Variants in SPAG16 observed in about 807,000 individuals in gnomAD.
SPAG16 encodes sperm-associated antigen 16 protein.
SPAG16 carries 86 observed loss-of-function variants against 80.4 expected under a neutral mutation model. The observed-to-expected ratio is 1.07, with a 90% CI of 0.90 to 1.28. SPAG16 has a LOEUF of 1.28. Among genes scored for constraint, SPAG16 ranks in the 50% most tolerant of loss-of-function variants. The pLI, the probability that SPAG16 is intolerant of heterozygous loss-of-function variation, is 0.00. For missense variants in SPAG16, 870 were observed against 765.3 expected, an observed-to-expected ratio of 1.14 and a Z score of -1.61; for synonymous variants, 294 against 265.9, an observed-to-expected ratio of 1.11 and a Z score of -1.03.
rs547722490 is a variant in SPAG16, at chr2:213,925,610, C to T, written c.1215-4350C>T. 1.5e-3 allele frequency among the ~76,000 whole-genome samples: 232 copies of T among 152,236 alleles called. No homozygotes were observed. The Middle Eastern group carries it at 0.017, about 11-fold the overall frequency. ...CAAGTAATCTGTCTGCCTTGGCCTCCGAAGGTTCTGGAATTACAGACATGG... is the reference window on the plus strand; with the variant it reads ...CAAGTAATCTGTCTGCCTTGGCCTCTGAAGGTTCTGGAATTACAGACATGG... On this transcript the variant is annotated intron_variant, in intron 11 of 15. Transcript: ENST00000331683.
chr2:213,382,227 C>A (rs1022896122), intron 9 of SPAG16, among the ~76,000 whole-genome samples: 1 of 152,092 alleles, frequency 6.6e-6, no homozygotes, highest in Non-Finnish European at 1.5e-5. Context: ...ATAATTCTTC[C>A]TTTTTTAAGA....
chr2:213,991,859 G>GTTAGTTTATTTATTTA (rs1553689431), intron 12 of SPAG16, among the ~76,000 whole-genome samples: 1 of 144,894 alleles, frequency 6.9e-6, no homozygotes, highest in South Asian at 2.3e-4. Context: ...ACAATTGAGA[G>GTTAGTTTATTTATTTA]TTTATTTATT....
chr2:213,802,057 C>T (rs1301947934), intron 10 of SPAG16, among the ~76,000 whole-genome samples: 1 of 152,122 alleles, frequency 6.6e-6, no homozygotes, highest in Non-Finnish European at 1.5e-5. Flanking sequence ...TGAAAAGAAC[C>T]TGAGAAAAGC....
chr2:213,425,764 C>G (rs948937536), intron 9 of SPAG16, among the ~76,000 whole-genome samples: 7 of 151,484 alleles, frequency 4.6e-5, no homozygotes, highest in African/African-American at 1.7e-4. Context: ...TATGAGATTT[C>G]TCAGTATACT....
intron 9 of SPAG16, among the ~76,000 whole-genome samples, chr2:213,405,304 A>T (rs1464229694): frequency 6.6e-6 from 1 of 152,172 alleles, no homozygotes. Flanking sequence ...AATTTAATCC[A>T]TGGAGGAAAA....
At chr2:213,790,540 C>T (rs896094183) in intron 10 of SPAG16, among the ~76,000 whole-genome samples, 5 of 151,440 alleles carry the variant, frequency 3.3e-5, no homozygotes, top group Non-Finnish European at 7.4e-5. Context: ...CTTATATTTT[C>T]ATTAATATAT....
At chr2:213,739,443 C>T (rs1559425761) in intron 10 of SPAG16, among the ~76,000 whole-genome samples, 1 of 152,044 alleles carries the variant, frequency 6.6e-6, no homozygotes, top group Admixed American at 6.6e-5. Flanking sequence ...TAGTTCTTAC[C>T]TTACTTAGAT....
At chr2:213,362,391 T>A (rs1266646101) in intron 7 of SPAG16, among the ~76,000 whole-genome samples, 1 of 152,220 alleles carries the variant, frequency 6.6e-6, no homozygotes, top group Non-Finnish European at 1.5e-5. Flanking sequence ...TAGGTGGAGC[T>A]TAACAACTCA....
At chr2:213,679,515 C>G (rs1331265446) in intron 10 of SPAG16, among the ~76,000 whole-genome samples, 1 of 149,512 alleles carries the variant, frequency 6.7e-6, no homozygotes, top group South Asian at 2.1e-4. Context: ...TTACCAGATG[C>G]CTTGAAACTG....
chr2:213,958,413 G>A (rs1418365594), intron 12 of SPAG16, among the ~76,000 whole-genome samples: 1 of 152,088 alleles, frequency 6.6e-6, no homozygotes, highest in Non-Finnish European at 1.5e-5. Context: ...TGAGGACTTG[G>A]GAGGAGGTAG....
At chr2:213,957,065 G>C (rs762978326) in intron 12 of SPAG16, among the ~76,000 whole-genome samples, 2 of 151,840 alleles carry the variant, frequency 1.3e-5, no homozygotes, top group African/African-American at 2.4e-5. Context: ...CCTGGAAAAT[G>C]TACCATGTCT....
At chr2:213,963,221 T>C (rs1045956810) in intron 12 of SPAG16, among the ~76,000 whole-genome samples, 1 of 152,082 alleles carries the variant, frequency 6.6e-6, no homozygotes, top group Non-Finnish European at 1.5e-5. Context: ...CCAGTAAATA[T>C]TGGTATGTCG....
chr2:213,309,333 CT>C (rs1037019946), intron 3 of SPAG16, among the ~76,000 whole-genome samples: 3 of 152,036 alleles, frequency 2.0e-5, no homozygotes, highest in African/African-American at 7.2e-5. Context: ...TAGCTGACCC[CT>C]GATCTAGTTG....
At chr2:213,441,616 G>A (rs1303538305) in intron 9 of SPAG16, among the ~76,000 whole-genome samples, 1 of 152,102 alleles carries the variant, frequency 6.6e-6, no homozygotes, top group Non-Finnish European at 1.5e-5. Flanking sequence ...ATAGATTTGT[G>A]CACTTTTTTC....
chr2:213,660,714 T>G (rs114289278), intron 10 of SPAG16, among the ~76,000 whole-genome samples: 2,603 of 152,274 alleles, frequency 0.017, 72 homozygotes, highest in African/African-American at 0.059. Context: ...GGCTCCTTGC[T>G]TCAAGCACTC....
intron 13 of SPAG16, among the ~76,000 whole-genome samples, chr2:214,093,064 C>A (rs1228345444): frequency 6.6e-6 from 1 of 152,068 alleles, no homozygotes; most frequent in Admixed American, 6.6e-5. Context: ...TCATCTAAGT[C>A]TTTTAAGATT....
At chr2:213,392,845 C>G (rs986379166) in intron 9 of SPAG16, among the ~76,000 whole-genome samples, 9 of 148,082 alleles carry the variant, frequency 6.1e-5, no homozygotes, top group East Asian at 2.0e-4. Flanking sequence ...GACTCTGTCT[C>G]TTAAAAAAAA....
At chr2:213,671,646 A>G (rs1191130000) in intron 10 of SPAG16, among the ~76,000 whole-genome samples, 1 of 152,184 alleles carries the variant, frequency 6.6e-6, no homozygotes, top group Non-Finnish European at 1.5e-5. Flanking sequence ...TTCCCTATGT[A>G]TGTTCCCAAA....
At chr2:213,788,348 G>A (rs2070473812) in intron 10 of SPAG16, among the ~76,000 whole-genome samples, 1 of 151,750 alleles carries the variant, frequency 6.6e-6, no homozygotes, top group South Asian at 2.1e-4. Context: ...AATCTCATAT[G>A]AGTAAGTCAT....
Sources: allele counts gnomAD v4.1 joint callset (sites outside exome capture counted in the v4.1 genomes callset), GRCh38; gene constraint gnomAD v4.1.1; transcripts MANE v1.5; gene names NCBI Gene and HGNC (gene_info 2026-07-23, HGNC 2026-07-21).